Variants in DDC observed in about 807,000 individuals in gnomAD.
The protein encoded by DDC is dopa decarboxylase.
A neutral mutation model predicts 60.0 loss-of-function variants in DDC; 43 were observed. The observed-to-expected ratio is 0.72, with a 90% CI of 0.56 to 0.92. The LOEUF is 0.92. Among genes scored for constraint, DDC ranks in the 40% least tolerant of loss-of-function variants. The pLI is 0.00. For missense variants in DDC, 573 were observed against 620.2 expected (o/e 0.92, Z 0.81); for synonymous variants, 232 against 234.6 (o/e 0.99, Z 0.10).
In DDC at chr7:50,516,860, C is replaced by A. The variant is rs980434990; in HGVS notation, c.714+11277G>T. Among the ~76,000 whole-genome samples, 11 of 152,190 alleles carry A rather than the reference C, an allele frequency of 7.2e-5. No individual in the cohort carries two copies. In the South Asian group the frequency reaches 2.1e-3, roughly 29 times the overall value. ...TGGAGAAATTCCTGGAAAAATACAA[C>A]CCTCCTAGCTTAAATCAGGAAGAAT... On this transcript the variant is annotated intron_variant, in intron 6 of 14. Coordinates refer to ENST00000444124, the MANE Select transcript of DDC (RefSeq NM_001082971.2).
rs554523898 is a variant in DDC at position 50,460,736 on chromosome 7, A to G, written c.*19-1893T>C. Among the ~76,000 whole-genome samples the G allele has an allele frequency of 8.6e-5, 13 of 151,744 alleles. No individual in the cohort carries two copies. The South Asian group carries it at 2.7e-3, about 31-fold the overall frequency. On this transcript the variant is annotated intron_variant, in intron 14 of 14. Transcript: ENST00000444124. ...ATTCTTCTGCCTCGTGATCCTGTTG[A>G]TCAGTGACCCTACCCCCAACCCTGT...
intron 1 of DDC, among the ~76,000 whole-genome samples, chr7:50,553,590 G>A (rs1017063731): frequency 6.8e-5 from 10 of 146,868 alleles, no homozygotes; most frequent in South Asian, 2.3e-4. Context: ...AGGTTCAAGC[G>A]ATTCTCCTGC....
Position 50,529,301 on chromosome 7 carries a change from A to G in DDC, c.477T>C (p.Ala159=). The G allele has an allele frequency of 6.2e-7, 1 of 1,614,194 alleles. No individual in the cohort carries two copies. Among genetic ancestry groups the G allele is most frequent in the Non-Finnish European group, 8.5e-7 (1 of 1,180,040 alleles). ...SEATLVALLA[A]RTKVIHRLQA... is the part of the protein sequence containing the mutation. ...GCAGCCGATGGATCACTTTGGTCCG[A>G]GCGGCCAGCAGGGCCACCAGGGTGG... Residue 159 remains alanine, a synonymous_variant, in exon 5 of 15, where the codon GCT becomes GCC. Transcript: ENST00000444124.
rs4490786 is a variant in DDC at position 50,476,616 on chromosome 7, C to T, written c.1041+8G>A. On this transcript the variant is annotated splice_region_variant and intron_variant, in intron 11 of 14. Coordinates refer to ENST00000444124, the MANE Select transcript of DDC (RefSeq NM_001082971.2). ...GCATTTGAGATTACAGTGGAATCTC[C>T]CACTTACCCGGTAGTCAGTGATAAG... is the stretch of plus-strand genomic sequence containing the variant. 338,374 of 1,608,232 alleles carry T rather than the reference C, an allele frequency of 0.21. 36,358 individuals carry two copies. The highest frequency in any genetic ancestry group is 0.23 in the Admixed American group (14,096 of 59,990).
At chr7:50,532,939 G>A (rs922434731) in intron 4 of DDC, among the ~76,000 whole-genome samples, 3 of 152,196 alleles carry the variant, frequency 2.0e-5, no homozygotes, top group Non-Finnish European at 4.4e-5. Flanking sequence ...GATCATCTTG[G>A]AAGATTGTTG....
At position 50,460,370 on chromosome 7, in the gene DDC, G is replaced by GC. The variant is rs1162053371; in HGVS notation, c.*19-1528dup. Among the ~76,000 whole-genome samples, 4 of 144,548 alleles carry GC rather than the reference G, an allele frequency of 2.8e-5. No homozygotes were observed. In the East Asian group the frequency reaches 6.3e-4, roughly 23 times the overall value. 94.8% of individuals were successfully genotyped at this position (144,548 alleles called of 152,430 possible). The stretch of plus-strand genomic sequence containing the variant: ...GTCCAGGAAGGAGGTGGGAGGGTCA[G>GC]CCCCCCGCCCGGCCAGCCGCCCCAT... On this transcript the variant is annotated intron_variant, in intron 14 of 14. Transcript: ENST00000444124.
intron 6 of DDC, among the ~76,000 whole-genome samples, chr7:50,512,401 T>C (rs1332477514): frequency 6.6e-6 from 1 of 152,206 alleles, no homozygotes; most frequent in African/African-American, 2.4e-5. Context: ...TGGCAGAATC[T>C]GTTTGATGCA....
chr7:50,470,107 T>C lies in DDC; in HGVS notation c.1106A>G (p.Tyr369Cys), dbSNP rs886062371. 4 of 1,613,548 alleles carry C rather than the reference T, an allele frequency of 2.5e-6. No individual in the cohort carries two copies. The highest frequency in any genetic ancestry group is 2.2e-5 in the East Asian group (1 of 44,896). ...SLKMWFVFRM[Y>C]GVKGLQAYIR... is the part of the protein sequence containing the mutation. ...ATAAGCCTGCAGTCCTTTGACTCCA[T>C]ACATCCTAAATACAAACCACATTTT... The change falls in exon 12 of 15, where the codon TAT becomes TGT. Residue 369 changes from tyrosine to cysteine, a missense_variant. Physicochemically the swap from Tyr to Cys is radical, Grantham distance 194 (BLOSUM62 -2). Coordinates refer to ENST00000444124, the MANE Select transcript of DDC (RefSeq NM_001082971.2).
At chr7:50,545,600 G>A (rs966274456) in intron 1 of DDC, among the ~76,000 whole-genome samples, 14 of 152,202 alleles carry the variant, frequency 9.2e-5, no homozygotes, top group Middle Eastern at 3.2e-3. Flanking sequence ...AGTCTCCTGA[G>A]TAGCTGGGAT....
At position 50,527,956 on chromosome 7, in the gene DDC, G is replaced by T. The variant is rs2044084482; in HGVS notation, c.714+181C>A. 8 of 594,722 alleles carry T rather than the reference G, an allele frequency of 1.3e-5. No individual in the cohort carries two copies. In the South Asian group the frequency reaches 1.6e-4, roughly 12 times the overall value. The allele number at this position is 594,722 out of a possible 1,614,324, so 36.8% of individuals were successfully genotyped here. On this transcript the variant is annotated intron_variant, in intron 6 of 14. Coordinates refer to ENST00000444124, the MANE Select transcript of DDC (RefSeq NM_001082971.2). ...CTGTCACACAGGCTGGAGTGCAGCG[G>T]CGCGATCTCGGCTCACTGCAACCTC... is the stretch of plus-strand genomic sequence containing the variant.
chr7:50,474,138 T>C (rs1422373129), intron 11 of DDC, among the ~76,000 whole-genome samples: 1 of 152,252 alleles, frequency 6.6e-6, no homozygotes. Flanking sequence ...AGGTTGCTGA[T>C]GCTTGACCTT....
At chr7:50,557,787 A>G (rs866090977) in intron 1 of DDC, among the ~76,000 whole-genome samples, 4 of 152,314 alleles carry the variant, frequency 2.6e-5, no homozygotes, top group African/African-American at 4.8e-5. Flanking sequence ...TGGAATTGAG[A>G]CATGTGAGTT....
chr7:50,461,432 A>T lies in DDC; in HGVS notation c.*18+1781T>A, dbSNP rs115173858. Reference sequence around the variant, plus strand: ...TACATGCATTAGGACTTACTATTGTATCACATATCTTTTTAAAAATTGAAT... The same window carrying T: ...TACATGCATTAGGACTTACTATTGTTTCACATATCTTTTTAAAAATTGAAT... On this transcript the variant is annotated intron_variant, in intron 14 of 14. Coordinates refer to ENST00000444124, the MANE Select transcript of DDC (RefSeq NM_001082971.2). Among the ~76,000 whole-genome samples, 1,348 of 152,378 alleles carry T rather than the reference A, an allele frequency of 8.8e-3. 20 individuals carry two copies. The highest frequency in any genetic ancestry group is 0.03 in the African/African-American group (1,266 of 41,584).
chr7:50,505,882 G>C (rs189982044), intron 6 of DDC, among the ~76,000 whole-genome samples: 1 of 152,250 alleles, frequency 6.6e-6, no homozygotes, highest in East Asian at 1.9e-4. Flanking sequence ...TTTAAATGTA[G>C]GCTTTCTTCT....
intron 9 of DDC, chr7:50,492,824 T>A: frequency 6.6e-7 from 1 of 1,518,524 alleles, no homozygotes; most frequent in Non-Finnish European, 8.8e-7. Context: ...GGAAGAGTTG[T>A]CCGGGAGAGA....
Position 50,543,786 on chromosome 7 carries a change from T to C in DDC, c.201+99A>G, listed in dbSNP as rs897826151. On this transcript the variant is annotated intron_variant, in intron 2 of 14. Coordinates refer to ENST00000444124, the MANE Select transcript of DDC (RefSeq NM_001082971.2). ...AAATTTCTCTCCAACCTGACTGCCATAGGGATTCCTTGAAACAAAGTATGT... is the reference window on the plus strand; with the variant it reads ...AAATTTCTCTCCAACCTGACTGCCACAGGGATTCCTTGAAACAAAGTATGT... The C allele has an allele frequency of 7.5e-6, 9 of 1,197,996 alleles. No individual in the cohort carries two copies. The African/African-American group carries it at 1.0e-4, about 14-fold the overall frequency. 74.2% of individuals were successfully genotyped at this position (1,197,996 alleles called of 1,614,324 possible). A position where few individuals can be genotyped will look rare whatever the true frequency, so the allele number is the denominator to read the frequency against.
At chr7:50,500,177 C>T (rs1327772154) in intron 7 of DDC, among the ~76,000 whole-genome samples, 2 of 151,820 alleles carry the variant, frequency 1.3e-5, no homozygotes, top group East Asian at 1.9e-4. Flanking sequence ...GTCAGGGTAC[C>T]GTGGGGTAGG....
chr7:50,547,675 G>T (rs1376433292), intron 1 of DDC, among the ~76,000 whole-genome samples: 1 of 152,088 alleles, frequency 6.6e-6, no homozygotes, highest in Non-Finnish European at 1.5e-5. Context: ...AACACTCCGA[G>T]ACCGAGAGCC....
rs367959876 is a variant in DDC at position 50,539,975 on chromosome 7, C to A, written c.255G>T (p.Ser85=). The A allele has an allele frequency of 9.3e-6, 15 of 1,614,004 alleles. No individual in the cohort carries two copies. Among genetic ancestry groups the A allele is most frequent in the Non-Finnish European group, 1.1e-5 (13 of 1,179,974 alleles). Residue 85 remains serine, a synonymous_variant, in exon 3 of 15, where the codon TCG becomes TCT. Transcript: ENST00000444124. ...GCATGTCCGCAAGCATGGCCGGGTA[C>A]GAGCTGGCAGTGGGGAAGTAGGCGA... ...YFFAYFPTAS[S]YPAMLADMLC...
Sources: gnomAD v4.1 joint callset for allele counts (sites outside exome capture counted in the v4.1 genomes callset) on GRCh38, gnomAD v4.1.1 for gene constraint, MANE v1.5 for transcripts, NCBI Gene and HGNC (gene_info 2026-07-23, HGNC 2026-07-21) for gene names.